The following PRR5 variants were observed in gnomAD, a reference collection of about 807,000 sequenced individuals.
PRR5 encodes the protein proline-rich protein 5.
A neutral mutation model predicts 30.6 loss-of-function variants in PRR5; 25 were observed. The observed-to-expected ratio is 0.82, with a 90% CI of 0.60 to 1.14. The LOEUF is 1.14. Ranked by LOEUF, PRR5 falls within the 50% of genes most tolerant of loss-of-function variation. The pLI is 0.00. For missense variants in PRR5, 600 were observed against 547.1 expected, an observed-to-expected ratio of 1.10 and a Z score of -0.96; for synonymous variants, 286 against 247.1, an observed-to-expected ratio of 1.16 and a Z score of -1.48.
rs1923422871 is a variant in PRR5, at chr22:44,671,464, A to G, written c.-11+2659A>G. ...AGCATATTTCTCGGTGACTTCAGAA[A>G]CCCTCCGTCTCGGAGAGCAGCCCTG... is the stretch of plus-strand genomic sequence containing the variant. On this transcript the variant is annotated intron_variant, in intron 1 of 8. Coordinates refer to the PRR5 transcript ENST00000432186. 3.3e-5 allele frequency among the ~76,000 whole-genome samples: 5 copies of G among 150,382 alleles called. No homozygotes were observed. The South Asian group carries it at 1.1e-3, about 32-fold the overall frequency.
At chr22:44,675,351 C>T (rs1016996428), upstream of PRR5, among the ~76,000 whole-genome samples, 2 of 152,176 alleles carry the variant, frequency 1.3e-5, no homozygotes, top group Non-Finnish European at 2.9e-5. Flanking sequence ...CCTTGGCCTC[C>T]CAAAGTGCTG....
At chr22:44,714,152 G>A (rs1928697572) in intron 1 of PRR5, among the ~76,000 whole-genome samples, 1 of 152,198 alleles carries the variant, frequency 6.6e-6, no homozygotes, top group Non-Finnish European at 1.5e-5. Context: ...GGGGTCGGGA[G>A]CCCCACAGCT....
chr22:44,669,125 C>T (rs1334175667), intron 1 of PRR5, among the ~76,000 whole-genome samples: 2 of 150,994 alleles, frequency 1.3e-5, no homozygotes, highest in Admixed American at 6.6e-5. Flanking sequence ...CGCCCCGCCC[C>T]CTTCCCTCTA....
intron 2 of PRR5, among the ~76,000 whole-genome samples, chr22:44,722,108 C>G (rs1028736263): frequency 6.6e-6 from 1 of 152,204 alleles, no homozygotes; most frequent in African/African-American, 2.4e-5. Flanking sequence ...TCTGTGATCA[C>G]AGGGTGAACC....
chr22:44,689,391 T>C (rs116856151), intron 1 of PRR5, among the ~76,000 whole-genome samples: 132 of 152,312 alleles, frequency 8.7e-4, no homozygotes, highest in Non-Finnish European at 1.4e-3. Context: ...CAGATGTGGC[T>C]TGGAAATTCC....
At chr22:44,735,294 A>G (rs1345970678) in intron 7 of PRR5, 132 bp downstream of exon 7, 2 of 1,301,840 alleles carry the variant, frequency 1.5e-6, no homozygotes, top group East Asian at 2.5e-5. Flanking sequence ...GCCGGGCAGC[A>G]GCCCCCAGCC....
chr22:44,727,577 C>T (rs910311890), intron 4 of PRR5, among the ~76,000 whole-genome samples: 1 of 152,216 alleles, frequency 6.6e-6, no homozygotes, highest in African/African-American at 2.4e-5. Context: ...GGCACGGTGT[C>T]CTGCCCAGGC....
chr22:44,692,320 CGGGGCTCCTCCTCCCAGGGCTCCTCCTG>C (rs1358475521), intron 1 of PRR5, among the ~76,000 whole-genome samples: 169 of 139,612 alleles, frequency 1.2e-3, no homozygotes, highest in African/African-American at 1.8e-3. Context: ...CTCCTCCTCC[CGGGGCTCCTCCTCCCAGGGCTCCTCCTG>C]GGGGCTCCTC....
At chr22:44,680,839 C>T (rs139200769) in intron 1 of PRR5, among the ~76,000 whole-genome samples, 20 of 152,298 alleles carry the variant, frequency 1.3e-4, no homozygotes, top group African/African-American at 4.8e-4. Context: ...CAGTGTGTGA[C>T]AGAGGAAGGA....
intron 2 of PRR5, among the ~76,000 whole-genome samples, chr22:44,715,660 T>C (rs1354643359): frequency 6.6e-6 from 1 of 151,670 alleles, no homozygotes; most frequent in African/African-American, 2.4e-5. Context: ...GGGGGCAGTT[T>C]GGTTTGGTTT....
At chr22:44,729,531 A>AT in intron 4 of PRR5, 2 of 985,442 alleles carry the variant, frequency 2.0e-6, no homozygotes, top group East Asian at 2.3e-4. Context: ...GTGCTGTTTC[A>AT]TCTCAGCTTT....
In PRR5 at chr22:44,726,569, A is replaced by G; in HGVS notation, c.265-8A>G. 2 of 1,613,950 alleles carry G rather than the reference A, an allele frequency of 1.2e-6. No individual in the cohort carries two copies. The highest frequency in any genetic ancestry group is 1.7e-6 in the Non-Finnish European group (2 of 1,180,006). On this transcript the variant is annotated splice_region_variant and splice_polypyrimidine_tract_variant and intron_variant, in intron 3 of 7. Coordinates refer to ENST00000336985, the MANE Select transcript of PRR5 (RefSeq NM_181333.4). Reference sequence around the variant, plus strand: ...GGGCGGTGACAGCCCCTCTGTGTTTACCTTCAGAACCAGCTGCTGACAAAA... The same window carrying G: ...GGGCGGTGACAGCCCCTCTGTGTTTGCCTTCAGAACCAGCTGCTGACAAAA...
chr22:44,693,616 C>CTTTTTT (rs1228023916), intron 1 of PRR5, among the ~76,000 whole-genome samples: 10 of 90,570 alleles, frequency 1.1e-4, no homozygotes, highest in Non-Finnish European at 1.3e-4. Context: ...TTCACATGGA[C>CTTTTTT]TTTTTTTTTT....
At chr22:44,726,761 G>A in intron 4 of PRR5, 127 bp downstream of exon 4, 2 of 1,417,584 alleles carry the variant, frequency 1.4e-6, no homozygotes, top group South Asian at 1.2e-5. Flanking sequence ...GGGCTTGGAA[G>A]GAACACGTAT....
chr22:44,697,403 T>C (rs573741786), upstream of PRR5, among the ~76,000 whole-genome samples: 8 of 152,284 alleles, frequency 5.3e-5, no homozygotes, highest in South Asian at 1.7e-3. Context: ...CTCGCCCATC[T>C]CAGGGAAGGG....
chr22:44,675,785 T>TATTA (rs1923715867), upstream of PRR5, among the ~76,000 whole-genome samples: 1 of 148,574 alleles, frequency 6.7e-6, no homozygotes, highest in South Asian at 2.1e-4. Flanking sequence ...TTATTATTAT[T>TATTA]ATTATTATTA....
chr22:44,713,455 A>G (rs1928566578), intron 1 of PRR5, among the ~76,000 whole-genome samples: 1 of 150,750 alleles, frequency 6.6e-6, no homozygotes, highest in South Asian at 2.1e-4. Flanking sequence ...CTGGTCTTGA[A>G]CTCCTGACCT....
chr22:44,711,122 G>A (rs938519801), intron 1 of PRR5, among the ~76,000 whole-genome samples: 2 of 152,176 alleles, frequency 1.3e-5, no homozygotes, highest in South Asian at 2.1e-4. Context: ...AGGCCTCCAC[G>A]GAGGGAAGGG....
chr22:44,699,386 A>G (rs971230101), upstream of PRR5, among the ~76,000 whole-genome samples: 4 of 152,244 alleles, frequency 2.6e-5, no homozygotes, highest in Non-Finnish European at 4.4e-5. Flanking sequence ...CCTGAGAGCC[A>G]GCCTCCGGCG....
Sources: allele counts gnomAD v4.1 joint callset (sites outside exome capture counted in the v4.1 genomes callset), GRCh38; gene constraint gnomAD v4.1.1; transcripts MANE v1.5; gene names NCBI Gene and HGNC (gene_info 2026-07-23, HGNC 2026-07-21).